Variants in PTP4A1 observed in about 807,000 individuals in gnomAD.
PTP4A1 encodes protein tyrosine phosphatase type IVA 1.
Under a neutral mutation model 20.5 loss-of-function variants are expected in PTP4A1, and 9 were observed. That is an observed-to-expected ratio of 0.44 (90% CI 0.26 to 0.77). PTP4A1 has a LOEUF of 0.77. Among genes scored for constraint, PTP4A1 ranks in the 30% least tolerant of loss-of-function variants. The pLI, the probability that PTP4A1 is intolerant of heterozygous loss-of-function variation, is 0.19. For synonymous variants in PTP4A1, 78 were observed against 67.4 expected (o/e 1.16, Z -0.77); for missense variants, 137 against 218.8 (o/e 0.63, Z 2.36).
At chr6:63,532,729 T>C (rs1765289075) in intron 2 of PTP4A1, among the ~76,000 whole-genome samples, 1 of 152,178 alleles carries the variant, frequency 6.6e-6, no homozygotes. Flanking sequence ...TAAAATATTT[T>C]ATTGTTACAA....
At chr6:63,569,973 A>C (rs1777349806), upstream of PTP4A1, among the ~76,000 whole-genome samples, 1 of 152,200 alleles carries the variant, frequency 6.6e-6, no homozygotes, top group South Asian at 2.1e-4. Flanking sequence ...AAAGTATTAA[A>C]CTAAATACAG....
chr6:63,549,650 T>C (rs978385981), intron 2 of PTP4A1: 3 of 484,366 alleles, frequency 6.2e-6, no homozygotes, highest in Non-Finnish European at 1.1e-5. Flanking sequence ...ATCCTGTCAT[T>C]GGCAGTAACA....
At chr6:63,546,724 T>C (rs1353602167) in intron 2 of PTP4A1, among the ~76,000 whole-genome samples, 1 of 151,278 alleles carries the variant, frequency 6.6e-6, no homozygotes, top group Non-Finnish European at 1.5e-5. Flanking sequence ...AAAAATAGAG[T>C]ACAAGCTTTC....
At chr6:63,552,630 A>G in intron 3 of PTP4A1, among the ~76,000 whole-genome samples, 1 of 152,144 alleles carries the variant, frequency 6.6e-6, no homozygotes, top group African/African-American at 2.4e-5. Flanking sequence ...CCTGAATGGT[A>G]TTGCCTAGGT....
upstream of PTP4A1, among the ~76,000 whole-genome samples, chr6:63,518,276 C>T (rs531664766): frequency 2.0e-5 from 3 of 152,068 alleles, no homozygotes; most frequent in Non-Finnish European, 4.4e-5. Flanking sequence ...TGCTATTTTG[C>T]TTTCCCTAAT....
chr6:63,580,220 C>T lies in PTP4A1; in HGVS notation c.*46C>T, dbSNP rs778739544. 35 of 1,421,522 alleles carry T rather than the reference C, an allele frequency of 2.5e-5. 1 individual carries two copies. In the South Asian group the frequency reaches 4.0e-4, roughly 16 times the overall value. The allele number at this position is 1,421,522 out of a possible 1,614,324, so 88.1% of individuals were successfully genotyped here. ...CTGGAAGTGGAACTTGAGATAGGGCCTAATTTGTTATACATATTAGCCAAC... is the reference window on the plus strand; with the variant it reads ...CTGGAAGTGGAACTTGAGATAGGGCTTAATTTGTTATACATATTAGCCAAC... On this transcript the variant is annotated 3_prime_UTR_variant, in exon 6 of 6. Coordinates refer to ENST00000626021, the MANE Select transcript of PTP4A1 (RefSeq NM_003463.5).
chr6:63,556,098 C>T (rs1776675313), intron 3 of PTP4A1, among the ~76,000 whole-genome samples: 1 of 152,176 alleles, frequency 6.6e-6, no homozygotes, highest in Non-Finnish European at 1.5e-5. Context: ...TTCAAGTTCA[C>T]ATTTTGCAAA....
rs561884512 is a variant in PTP4A1 at position 63,582,192 on chromosome 6, G to GT, written c.*2028dup. 1,375 of 146,062 alleles carry GT rather than the reference G, an allele frequency of 9.4e-3. 9 individuals are homozygous for GT. Among genetic ancestry groups the GT allele is most frequent in the South Asian group, 0.031 (143 of 4,614 alleles). The allele number at this position is 146,062 out of a possible 1,614,324, so 9.0% of individuals were successfully genotyped here. On this transcript the variant is annotated 3_prime_UTR_variant, in exon 6 of 6. Transcript: ENST00000626021. ...TGGCTAATTTTTAACCTGAGGTTTTGTTTTTTTTTTAAAGGAAATGCAGCC... is the reference window on the plus strand; with the variant it reads ...TGGCTAATTTTTAACCTGAGGTTTTGTTTTTTTTTTTAAAGGAAATGCAGCC...
At chr6:63,555,659 C>CAGAAAGT (rs1581932764) in intron 3 of PTP4A1, among the ~76,000 whole-genome samples, 1 of 151,162 alleles carries the variant, frequency 6.6e-6, no homozygotes, top group East Asian at 1.9e-4. Flanking sequence ...GGTGAGTCAA[C>CAGAAAGT]AGAAAGTATG....
At chr6:63,548,444 C>T (rs2149488468) in intron 2 of PTP4A1, among the ~76,000 whole-genome samples, 1 of 152,284 alleles carries the variant, frequency 6.6e-6, no homozygotes, top group Admixed American at 6.5e-5. Context: ...ATTTATATGT[C>T]CTTATGCCAC....
intron 3 of PTP4A1, among the ~76,000 whole-genome samples, chr6:63,560,526 C>A (rs1245602590): frequency 1.3e-5 from 2 of 151,498 alleles, no homozygotes; most frequent in Non-Finnish European, 2.9e-5. Context: ...CCTCAGCCAC[C>A]CTAGCTGGCA....
At chr6:63,536,226 A>C (rs892953071) in intron 2 of PTP4A1, among the ~76,000 whole-genome samples, 1 of 152,168 alleles carries the variant, frequency 6.6e-6, no homozygotes, top group African/African-American at 2.4e-5. Context: ...AGCTACTCAG[A>C]GGCTGAGGCA....
intron 2 of PTP4A1, among the ~76,000 whole-genome samples, chr6:63,550,009 A>G (rs1776366987): frequency 6.6e-6 from 1 of 152,200 alleles, no homozygotes; most frequent in South Asian, 2.1e-4. Flanking sequence ...GGAACACACT[A>G]ATTACTCTGA....
intron 1 of PTP4A1, among the ~76,000 whole-genome samples, chr6:63,526,124 A>G (rs572489810): frequency 6.6e-6 from 1 of 152,132 alleles, no homozygotes; most frequent in African/African-American, 2.4e-5. Context: ...CAGGAGTTCA[A>G]GACCAGCCTG....
chr6:63,564,374 G>A (rs1777097684), intron 3 of PTP4A1, among the ~76,000 whole-genome samples: 1 of 151,992 alleles, frequency 6.6e-6, no homozygotes, highest in African/African-American at 2.4e-5. Flanking sequence ...AGAAATACAC[G>A]AAGATAGCAA....
chr6:63,576,798 A>G lies in PTP4A1; in HGVS notation c.-83A>G. 1 of 1,092,156 alleles carries G rather than the reference A, an allele frequency of 9.2e-7. No homozygotes were observed. The highest frequency in any genetic ancestry group is 1.4e-6 in the Non-Finnish European group (1 of 739,906). 67.7% of individuals were successfully genotyped at this position (1,092,156 alleles called of 1,614,324 possible). On this transcript the variant is annotated 5_prime_UTR_variant, in exon 2 of 6. Coordinates refer to ENST00000626021, the MANE Select transcript of PTP4A1 (RefSeq NM_003463.5). ...TTTCAAGTGGAGTATATTGAAGTAG[A>G]CTTCAGTTTCTTTGCATCATTTCTG...
In PTP4A1 at chr6:63,529,614, C is replaced by T. The variant is rs930044095; in HGVS notation, c.-640+1530C>T. Among the ~76,000 whole-genome samples the T allele has an allele frequency of 2.6e-5, 4 of 152,226 alleles. No homozygotes were observed. In the South Asian group the frequency reaches 8.3e-4, roughly 32 times the overall value. ...AACTTTTAAGAAATTGCTTTGTTTG[C>T]TGTACTCTCTCAAAAGCTTGGTTTG... is the stretch of plus-strand genomic sequence containing the variant. On this transcript the variant is annotated intron_variant, in intron 2 of 3. Transcript: ENST00000639568.
intron 1 of PTP4A1, among the ~76,000 whole-genome samples, chr6:63,523,424 C>T (rs1775023678): frequency 6.6e-6 from 1 of 152,020 alleles, no homozygotes; most frequent in South Asian, 2.1e-4. Context: ...GTCCCAGCTA[C>T]TCGGGAGGTT....
intron 2 of PTP4A1, 70 bp from the exon 3 acceptor site, chr6:63,578,367 A>C: frequency 6.7e-7 from 1 of 1,496,334 alleles, no homozygotes; most frequent in Non-Finnish European, 8.9e-7. Context: ...AGAGATGATC[A>C]GAATATAAAA....
Sources: gnomAD v4.1 joint callset for allele counts (sites outside exome capture counted in the v4.1 genomes callset) on GRCh38, gnomAD v4.1.1 for gene constraint, MANE v1.5 for transcripts, NCBI Gene and HGNC (gene_info 2026-07-23, HGNC 2026-07-21) for gene names.